ERCC8: variants seen among roughly 807,000 people sequenced by gnomAD.
The protein encoded by ERCC8 is DNA excision repair protein ERCC-8.
A neutral mutation model predicts 54.9 loss-of-function variants in ERCC8; 52 were observed. The ratio of observed to expected loss-of-function variants is 0.95; its 90% CI spans 0.76 to 1.19. ERCC8 has a LOEUF of 1.19. Ranked by LOEUF, ERCC8 falls within the 50% of genes most tolerant of loss-of-function variation. The pLI is 0.00. For missense variants in ERCC8, 514 were observed against 466.1 expected (o/e 1.10, Z -0.95); for synonymous variants, 146 against 157.2 (o/e 0.93, Z 0.53).
At chr5:60,903,521 C>T (rs142139247) in intron 6 of ERCC8, 127 bp downstream of exon 6, 19 of 1,478,106 alleles carry the variant, frequency 1.3e-5, no homozygotes, top group Non-Finnish European at 1.7e-5. Context: ...TATTTCCCTG[C>T]TGAGTCTCAA....
At chr5:60,907,819 T>G (rs1049113982) in intron 4 of ERCC8, among the ~76,000 whole-genome samples, 7 of 152,190 alleles carry the variant, frequency 4.6e-5, no homozygotes, top group African/African-American at 9.6e-5. Context: ...AAATCCAAAC[T>G]TTGGCTATCT....
At chr5:60,936,359 T>C (rs1389000863) in intron 1 of ERCC8, among the ~76,000 whole-genome samples, 1 of 152,206 alleles carries the variant, frequency 6.6e-6, no homozygotes, top group Non-Finnish European at 1.5e-5. Flanking sequence ...GTAAGGGTTG[T>C]AATATCTCCC....
intron 1 of ERCC8, among the ~76,000 whole-genome samples, chr5:60,940,096 T>A (rs1750213513): frequency 6.6e-6 from 1 of 152,212 alleles, no homozygotes; most frequent in African/African-American, 2.4e-5. Context: ...TCCTAATCTC[T>A]TATCATTTTC....
intron 11 of ERCC8, among the ~76,000 whole-genome samples, chr5:60,879,855 G>T (rs949941651): frequency 2.0e-5 from 3 of 152,152 alleles, no homozygotes; most frequent in African/African-American, 7.2e-5. Context: ...GGAGCAGTTA[G>T]CCCATTTACA....
intron 3 of ERCC8, 56 bp downstream of exon 3, chr5:60,921,998 G>A: frequency 8.0e-7 from 1 of 1,245,916 alleles, no homozygotes; most frequent in Non-Finnish European, 1.2e-6. Flanking sequence ...TGCATTCGAT[G>A]CAAAAAATAC....
chr5:60,896,274 T>TG (rs1233795299), intron 9 of ERCC8, among the ~76,000 whole-genome samples: 4 of 152,182 alleles, frequency 2.6e-5, no homozygotes, highest in Non-Finnish European at 4.4e-5. Flanking sequence ...TGGAGTGCAA[T>TG]GGCGCGATCT....
intron 11 of ERCC8, among the ~76,000 whole-genome samples, chr5:60,883,614 T>A (rs758675665): frequency 2.0e-5 from 3 of 152,204 alleles, no homozygotes; most frequent in Non-Finnish European, 4.4e-5. Context: ...AATTTCTGAC[T>A]GGTAATTAGT....
chr5:60,894,093 T>G (rs530485527), intron 9 of ERCC8, among the ~76,000 whole-genome samples: 364 of 151,306 alleles, frequency 2.4e-3, no homozygotes, highest in Non-Finnish European at 3.5e-3. Flanking sequence ...CACGCCATTC[T>G]CCTGCCTCAG....
chr5:60,896,817 G>A (rs1748737030), intron 9 of ERCC8, among the ~76,000 whole-genome samples: 1 of 152,250 alleles, frequency 6.6e-6, no homozygotes, highest in South Asian at 2.1e-4. Context: ...AAATGGAATA[G>A]AACCACATGA....
chr5:60,915,639 C>T (rs1397691330), intron 4 of ERCC8, among the ~76,000 whole-genome samples: 1 of 152,032 alleles, frequency 6.6e-6, no homozygotes, highest in Non-Finnish European at 1.5e-5. Context: ...TCTCCATCTT[C>T]CAGAGACCAC....
At chr5:60,929,907 T>C (rs1749858043) in intron 1 of ERCC8, among the ~76,000 whole-genome samples, 1 of 152,232 alleles carries the variant, frequency 6.6e-6, no homozygotes, top group South Asian at 2.1e-4. Flanking sequence ...CATTATTGAT[T>C]AAAATAATGC....
At chr5:60,922,019 A>T in intron 3 of ERCC8, 35 bp downstream of exon 3, 1 of 1,455,862 alleles carries the variant, frequency 6.9e-7, no homozygotes, top group Non-Finnish European at 9.6e-7. Flanking sequence ...TCAACTATTT[A>T]CAAATTCATA....
intron 1 of ERCC8, among the ~76,000 whole-genome samples, chr5:60,943,334 A>T (rs1750320883): frequency 6.6e-6 from 1 of 152,178 alleles, no homozygotes; most frequent in Admixed American, 6.5e-5. Context: ...AGCAATCCTC[A>T]CTTGGCACAG....
intron 1 of ERCC8, among the ~76,000 whole-genome samples, chr5:60,940,876 G>A (rs962657357): frequency 1.3e-5 from 2 of 152,178 alleles, no homozygotes. Flanking sequence ...TGTCCAGGAT[G>A]CAAATCCAAA....
chr5:60,917,203 C>G (rs1489731568), intron 4 of ERCC8, among the ~76,000 whole-genome samples: 1 of 151,930 alleles, frequency 6.6e-6, no homozygotes, highest in African/African-American at 2.4e-5. Flanking sequence ...AACTAGAACT[C>G]TGGCATCTAC....
intron 11 of ERCC8, among the ~76,000 whole-genome samples, chr5:60,876,453 A>G (rs1271873516): frequency 2.0e-5 from 3 of 152,212 alleles, no homozygotes; most frequent in Non-Finnish European, 2.9e-5. Context: ...GGGAATTCCT[A>G]CATGGACTTC....
intron 11 of ERCC8, among the ~76,000 whole-genome samples, chr5:60,883,369 G>C (rs951054027): frequency 6.6e-6 from 1 of 152,184 alleles, no homozygotes; most frequent in Non-Finnish European, 1.5e-5. Flanking sequence ...GAGACCCACT[G>C]ATCAAGTGTC....
At chr5:60,921,286 G>T (rs1749593332) in intron 3 of ERCC8, among the ~76,000 whole-genome samples, 2 of 151,880 alleles carry the variant, frequency 1.3e-5, no homozygotes, top group Admixed American at 6.6e-5. Flanking sequence ...GCTTTGGGAA[G>T]AGCTGTAATA....
intron 1 of ERCC8, among the ~76,000 whole-genome samples, chr5:60,932,993 T>C (rs1043262528): frequency 6.6e-6 from 1 of 152,164 alleles, no homozygotes; most frequent in African/African-American, 2.4e-5. Flanking sequence ...CATTGCTTAC[T>C]GGTTATTAAT....
Sources: allele counts gnomAD v4.1 joint callset (sites outside exome capture counted in the v4.1 genomes callset), GRCh38; gene constraint gnomAD v4.1.1; transcripts MANE v1.5; gene names NCBI Gene and HGNC (gene_info 2026-07-23, HGNC 2026-07-21).